KANSL1: variants seen among roughly 807,000 people sequenced by gnomAD.
KANSL1 encodes the protein MLL1/MLL complex subunit KANSL1.
A neutral mutation model predicts 103.6 loss-of-function variants in KANSL1; 22 were observed. That is an observed-to-expected ratio of 0.21 (90% CI 0.15 to 0.30). The LOEUF (loss-of-function observed/expected upper bound fraction) is 0.30, where lower values mean the gene tolerates loss of function less well. Ranked by LOEUF, KANSL1 falls within the 10% of genes least tolerant of loss-of-function variation. The probability of loss-of-function intolerance (pLI) is 1.00; values close to 1 mark genes in which losing one functional copy is unlikely to be tolerated. For missense variants in KANSL1, 1,337 were observed against 1,399.8 expected (o/e 0.96, Z 0.72); for synonymous variants, 600 against 527.6 (o/e 1.14, Z -1.88).
chr17:46,039,994 G>A (rs2077265123), intron 7 of KANSL1, 110 bp from the exon 8 acceptor site: 8 of 909,870 alleles, frequency 8.8e-6, no homozygotes, highest in Non-Finnish European at 1.4e-5. Context: ...ACACTTGGCA[G>A]GGCAAGTGCT....
At position 46,039,725 on chromosome 17, in the gene KANSL1, A is replaced by G; in HGVS notation, c.2180T>C (p.Val727Ala). 1.1e-5 allele frequency: 18 copies of G among 1,614,028 alleles called. No homozygotes were observed. Among genetic ancestry groups the G allele is most frequent in the Non-Finnish European group, 1.5e-5 (18 of 1,179,962 alleles). Residue 727 changes from valine to alanine, a missense_variant, in exon 8 of 15, where the codon GTC (valine) becomes GCC (alanine). Transcript: ENST00000432791. ...DSARKDRHKL[V>A]SSFLTTAKLS... ...ACTGGCTGTTGTTAGGAAGGAGCTGACCAATTTGTGCCTGTCCTTACGAGC... is the reference window on the plus strand; with the variant it reads ...ACTGGCTGTTGTTAGGAAGGAGCTGGCCAATTTGTGCCTGTCCTTACGAGC...
rs532647542 is a variant in KANSL1 at position 46,170,594 on chromosome 17, A to G, written c.1289+261T>C. ...AGGTACTAGTACAATTTTACACATAAGATGTCTCCTAGTTATTTTTCTTAG... is the reference window on the plus strand; with the variant it reads ...AGGTACTAGTACAATTTTACACATAGGATGTCTCCTAGTTATTTTTCTTAG... On this transcript the variant is annotated intron_variant, in intron 2 of 14. Coordinates refer to ENST00000432791, the MANE Select transcript of KANSL1 (RefSeq NM_015443.4). 13 of 489,604 alleles carry G rather than the reference A, an allele frequency of 2.7e-5. No individual in the cohort carries two copies. The South Asian group carries it at 5.3e-4, about 20-fold the overall frequency. 30.3% of individuals were successfully genotyped at this position (489,604 alleles called of 1,614,324 possible). A position where few individuals can be genotyped will look rare whatever the true frequency, so the allele number is the denominator to read the frequency against.
intron 7 of KANSL1, among the ~76,000 whole-genome samples, chr17:46,047,449 T>C (rs574261124): frequency 7.2e-5 from 11 of 152,140 alleles, no homozygotes; most frequent in Non-Finnish European, 1.5e-4. Flanking sequence ...TGACATCAAT[T>C]ATATGGCCTG....
chr17:46,105,429 C>A (rs1275240668), intron 2 of KANSL1, among the ~76,000 whole-genome samples: 1 of 151,954 alleles, frequency 6.6e-6, no homozygotes, highest in Non-Finnish European at 1.5e-5. Flanking sequence ...CCAGCCTGAC[C>A]AACATGGTGA....
chr17:46,108,651 A>C (rs1423677969), intron 2 of KANSL1, among the ~76,000 whole-genome samples: 2 of 152,212 alleles, frequency 1.3e-5, no homozygotes, highest in Non-Finnish European at 2.9e-5. Flanking sequence ...TATTTGTTCA[A>C]AGGGAAGGAA....
chr17:46,177,779 T>C (rs1469729646), intron 1 of KANSL1, among the ~76,000 whole-genome samples: 8 of 147,560 alleles, frequency 5.4e-5, no homozygotes, highest in Non-Finnish European at 9.1e-5. Flanking sequence ...ACAGTAACAT[T>C]CTTTTTTTTT....
chr17:46,153,461 A>G (rs934661116), intron 2 of KANSL1, among the ~76,000 whole-genome samples: 8 of 152,282 alleles, frequency 5.3e-5, no homozygotes, highest in African/African-American at 1.7e-4. Context: ...AAGCCACAGA[A>G]ACATATTCCC....
At chr17:46,068,743 AG>A (rs1193059928) in intron 4 of KANSL1, among the ~76,000 whole-genome samples, 1 of 152,250 alleles carries the variant, frequency 6.6e-6, no homozygotes, top group Non-Finnish European at 1.5e-5. Context: ...GAGAAAGAAT[AG>A]AAAAAGTGTG....
At chr17:46,093,023 T>C (rs992659817) in intron 3 of KANSL1, 19 of 152,218 alleles carry the variant, frequency 1.2e-4, no homozygotes, top group African/African-American at 4.6e-4. Flanking sequence ...TATATATTTA[T>C]GAATGTATAT....
At chr17:46,122,913 CTCT>C (rs1356864208) in intron 2 of KANSL1, among the ~76,000 whole-genome samples, 15 of 152,316 alleles carry the variant, frequency 9.8e-5, no homozygotes, top group African/African-American at 1.9e-4. Flanking sequence ...TCTCCCTCTC[CTCT>C]TGTTTCCCTA....
intron 1 of KANSL1, among the ~76,000 whole-genome samples, chr17:46,206,249 G>A (rs1009108854): frequency 6.6e-6 from 1 of 152,172 alleles, no homozygotes; most frequent in Non-Finnish European, 1.5e-5. Context: ...CAAAGTTGGG[G>A]GACTCACACT....
At chr17:46,031,889 A>G in intron 14 of KANSL1, 158 bp downstream of exon 14, 2 of 1,143,192 alleles carry the variant, frequency 1.7e-6, no homozygotes, top group South Asian at 1.5e-5. Flanking sequence ...GCAGTGATCA[A>G]TACAGTTCCA....
At chr17:46,040,476 ATCTT>A (rs1164706194) in intron 7 of KANSL1, 3 of 152,218 alleles carry the variant, frequency 2.0e-5, no homozygotes, top group African/African-American at 7.2e-5. Context: ...GCTGTTTCTT[ATCTT>A]TCCATTTTCT....
intron 2 of KANSL1, among the ~76,000 whole-genome samples, chr17:46,124,736 G>A (rs376048191): frequency 3.3e-5 from 5 of 152,160 alleles, no homozygotes; most frequent in African/African-American, 9.6e-5. Flanking sequence ...ATGGATAATC[G>A]AGAGGTTCAA....
intron 2 of KANSL1, among the ~76,000 whole-genome samples, chr17:46,121,116 C>T (rs918989747): frequency 1.3e-5 from 2 of 152,178 alleles, no homozygotes; most frequent in African/African-American, 4.8e-5. Flanking sequence ...TCACACTTTA[C>T]CACCACCACT....
At chr17:46,133,367 G>A (rs1399238333) in intron 2 of KANSL1, among the ~76,000 whole-genome samples, 1 of 152,094 alleles carries the variant, frequency 6.6e-6, no homozygotes, top group Non-Finnish European at 1.5e-5. Flanking sequence ...AACATAACCA[G>A]AAATTAGCAC....
rs937323858 is a variant in KANSL1 at position 46,045,172 on chromosome 17, T to C, written c.2021-5288A>G. ...ACTGTTATTTACTGCTATACAATGA[T>C]GTACAGGGAATCCCAAGACTTCAGG... is the stretch of plus-strand genomic sequence containing the variant. On this transcript the variant is annotated intron_variant, in intron 7 of 14. Coordinates refer to ENST00000432791, the MANE Select transcript of KANSL1 (RefSeq NM_015443.4). 3.6e-4 allele frequency: 55 copies of C among 152,154 alleles called. 1 individual carries two copies. Among genetic ancestry groups the C allele is most frequent in the Admixed American group, 3.0e-3 (46 of 15,276 alleles). The allele number at this position is 152,154 out of a possible 1,614,324, so 9.4% of individuals were successfully genotyped here.
intron 2 of KANSL1, among the ~76,000 whole-genome samples, chr17:46,138,260 G>A (rs955598228): frequency 1.3e-5 from 2 of 152,212 alleles, no homozygotes; most frequent in Non-Finnish European, 2.9e-5. Context: ...CAACTGGTAA[G>A]TACAGCTGAC....
chr17:46,106,518 G>A (rs534355919), intron 2 of KANSL1, among the ~76,000 whole-genome samples: 10 of 152,138 alleles, frequency 6.6e-5, no homozygotes, highest in East Asian at 3.9e-4. Context: ...TCAGCCTCCC[G>A]AGTAGCTGGG....
Sources: allele counts gnomAD v4.1 joint callset (sites outside exome capture counted in the v4.1 genomes callset), GRCh38; gene constraint gnomAD v4.1.1; transcripts MANE v1.5; gene names NCBI Gene and HGNC (gene_info 2026-07-23, HGNC 2026-07-21).